The following TSHZ2 variants were observed in gnomAD, a reference collection of about 807,000 sequenced individuals.
The protein encoded by TSHZ2 is teashirt zinc finger homeobox 2.
Under a neutral mutation model 74.4 loss-of-function variants are expected in TSHZ2, and 21 were observed. That is an observed-to-expected ratio of 0.28 (90% CI 0.20 to 0.41). The LOEUF (loss-of-function observed/expected upper bound fraction) is 0.41, where lower values mean the gene tolerates loss of function less well. Ranked by LOEUF, TSHZ2 falls within the 10% of genes least tolerant of loss-of-function variation. TSHZ2 has a pLI of 1.00. For synonymous variants in TSHZ2, 540 were observed against 515.3 expected, an observed-to-expected ratio of 1.05 and a Z score of -0.65; for missense variants, 1,244 against 1,293.5, an observed-to-expected ratio of 0.96 and a Z score of 0.59.
At chr20:53,327,363 C>T (rs1014737871) in intron 2 of TSHZ2, among the ~76,000 whole-genome samples, 3 of 152,156 alleles carry the variant, frequency 2.0e-5, no homozygotes, top group African/African-American at 7.2e-5. Context: ...GTGGCGGGTG[C>T]CTGTAGTCCC....
At chr20:52,996,354 A>ATTT (rs1568710882) in intron 1 of TSHZ2, among the ~76,000 whole-genome samples, 27 of 130,358 alleles carry the variant, frequency 2.1e-4, no homozygotes, top group South Asian at 5.4e-4. Context: ...TTTATTTATT[A>ATTT]GGCAAAATGG....
At position 53,491,873 on chromosome 20, in the gene TSHZ2, C is replaced by G. The variant is rs1986456204; in HGVS notation, c.*4738C>G. 1 of 152,018 alleles carries G rather than the reference C, an allele frequency of 6.6e-6. No individual in the cohort carries two copies. Among genetic ancestry groups the G allele is most frequent in the Non-Finnish European group, 1.5e-5 (1 of 67,990 alleles). 9.4% of individuals were successfully genotyped at this position (152,018 alleles called of 1,614,324 possible). A position where few individuals can be genotyped will look rare whatever the true frequency, so the allele number is the denominator to read the frequency against. ...CCCTTCGGCATACAAATGATTTTAC[C>G]AATAGCCATGATTATTATTAAGGCC... On this transcript the variant is annotated 3_prime_UTR_variant, in exon 3 of 3. Transcript: ENST00000371497.
rs374462623 is a variant in TSHZ2, at chr20:52,999,524, C to G, written c.40+26191C>G. Among the ~76,000 whole-genome samples the G allele has an allele frequency of 1.4e-3, 215 of 152,302 alleles. 9 individuals are homozygous for G. In the South Asian group the frequency reaches 0.043, roughly 30 times the overall value. ...TTAGCATCGGTTGATGACTGACTGA[C>G]AGATGGAATCCAACATTTCCAAAGT... is the stretch of plus-strand genomic sequence containing the variant. On this transcript the variant is annotated intron_variant, in intron 1 of 2. Coordinates refer to ENST00000371497, the MANE Select transcript of TSHZ2 (RefSeq NM_173485.6).
intron 1 of TSHZ2, among the ~76,000 whole-genome samples, chr20:53,222,898 T>C (rs1010791395): frequency 1.3e-5 from 2 of 152,266 alleles, no homozygotes; most frequent in African/African-American, 2.4e-5. Flanking sequence ...CTTTTTTTAG[T>C]GTCTTACCCT....
At chr20:52,998,786 A>G (rs1223458672) in intron 1 of TSHZ2, among the ~76,000 whole-genome samples, 1 of 152,170 alleles carries the variant, frequency 6.6e-6, no homozygotes, top group Non-Finnish European at 1.5e-5. Context: ...CTCAATAAAT[A>G]TTTGTTCAGT....
rs1004783208 is a variant in TSHZ2, at chr20:53,313,425, C to T, written c.*8+56854C>T. Among the ~76,000 whole-genome samples the T allele has an allele frequency of 3.3e-5, 5 of 152,182 alleles. No individual in the cohort carries two copies. In the East Asian group the frequency reaches 9.6e-4, roughly 29 times the overall value. The stretch of plus-strand genomic sequence containing the variant: ...ATAGTCATGAATATCAAGTATTGGG[C>T]TGCTTTAGGCTGAAATAAAGGGATG... On this transcript the variant is annotated intron_variant, in intron 2 of 2. Transcript: ENST00000371497.
chr20:53,406,850 T>C (rs1465478319), intron 2 of TSHZ2, among the ~76,000 whole-genome samples: 3 of 152,092 alleles, frequency 2.0e-5, no homozygotes, highest in Non-Finnish European at 4.4e-5. Context: ...GAAGGCCACA[T>C]GGAAGGCATG....
intron 1 of TSHZ2, among the ~76,000 whole-genome samples, chr20:52,982,550 T>C (rs1981607221): frequency 6.6e-6 from 1 of 152,238 alleles, no homozygotes; most frequent in African/African-American, 2.4e-5. Context: ...TCAACAAATA[T>C]TGGCTGTGCA....
At chr20:53,466,071 A>T (rs1985549551) in intron 2 of TSHZ2, among the ~76,000 whole-genome samples, 1 of 151,784 alleles carries the variant, frequency 6.6e-6, no homozygotes, top group African/African-American at 2.4e-5. Flanking sequence ...AGATGGTGAA[A>T]CCCCGTCTCT....
rs1555813615 is a variant in TSHZ2 at position 53,001,228 on chromosome 20, G to GTGTGTGTGTGTATA, written c.40+27906_40+27907insATATGTGTGTGTGT. ...TGCGTGTGTGTGTGTGTGTGTGTGT[G>GTGTGTGTGTGTATA]TGTGTGTGTGTGTGTGTGTGTGTGT... is the stretch of plus-strand genomic sequence containing the variant. On this transcript the variant is annotated intron_variant, in intron 1 of 2. Transcript: ENST00000371497. Among the ~76,000 whole-genome samples, 56 of 143,482 alleles carry GTGTGTGTGTGTATA rather than the reference G, an allele frequency of 3.9e-4. 1 individual carries two copies. The highest frequency in any genetic ancestry group is 1.4e-3 in the African/African-American group (52 of 36,736). 94.1% of individuals were successfully genotyped at this position (143,482 alleles called of 152,430 possible).
chr20:53,019,144 C>A (rs918568194), intron 1 of TSHZ2, among the ~76,000 whole-genome samples: 3 of 152,066 alleles, frequency 2.0e-5, no homozygotes, highest in Non-Finnish European at 4.4e-5. Context: ...ACATAGGTTA[C>A]AGGTCATGAA....
At chr20:53,003,895 TC>T (rs2122971716) in intron 1 of TSHZ2, among the ~76,000 whole-genome samples, 1 of 152,082 alleles carries the variant, frequency 6.6e-6, no homozygotes, top group Non-Finnish European at 1.5e-5. Flanking sequence ...TTTTTCTTTT[TC>T]TTTTTTTTTT....
chr20:53,211,510 A>T (rs201241477), intron 1 of TSHZ2, among the ~76,000 whole-genome samples: 6 of 109,386 alleles, frequency 5.5e-5, no homozygotes, highest in Non-Finnish European at 8.3e-5. Flanking sequence ...TGCCTGAAAT[A>T]AAAAAAAAAA....
At chr20:53,310,538 C>G (rs1306756581) in intron 2 of TSHZ2, among the ~76,000 whole-genome samples, 1 of 152,214 alleles carries the variant, frequency 6.6e-6, no homozygotes, top group Non-Finnish European at 1.5e-5. Context: ...GCAATCCAGG[C>G]TTTGGCCAGG....
intron 1 of TSHZ2, among the ~76,000 whole-genome samples, chr20:53,244,821 C>A (rs574393033): frequency 7.4e-4 from 113 of 152,272 alleles, no homozygotes; most frequent in African/African-American, 2.6e-3. Flanking sequence ...TCACTTTCTA[C>A]GGAAGTTCCC....
chr20:53,430,830 C>G (rs1022618680), intron 2 of TSHZ2, among the ~76,000 whole-genome samples: 1 of 152,114 alleles, frequency 6.6e-6, no homozygotes, highest in Non-Finnish European at 1.5e-5. Context: ...GTGGTCTCGG[C>G]TCACTACCTC....
intron 1 of TSHZ2, among the ~76,000 whole-genome samples, chr20:53,213,916 A>G (rs1989373561): frequency 6.6e-6 from 1 of 152,164 alleles, no homozygotes; most frequent in Non-Finnish European, 1.5e-5. Flanking sequence ...GGATGATTAA[A>G]ATCAACAACT....
intron 1 of TSHZ2, among the ~76,000 whole-genome samples, chr20:53,019,874 T>C (rs769861130): frequency 7.2e-5 from 11 of 152,172 alleles, no homozygotes; most frequent in Non-Finnish European, 1.3e-4. Context: ...TATTAGTCTG[T>C]TTTCACACTG....
At chr20:53,026,497 G>A (rs954506857) in intron 1 of TSHZ2, among the ~76,000 whole-genome samples, 4 of 151,808 alleles carry the variant, frequency 2.6e-5, no homozygotes, top group Non-Finnish European at 5.9e-5. Flanking sequence ...GACCACAAGC[G>A]CACATCACCA....
Sources: gnomAD v4.1 joint callset for allele counts (sites outside exome capture counted in the v4.1 genomes callset) on GRCh38, gnomAD v4.1.1 for gene constraint, MANE v1.5 for transcripts, NCBI Gene and HGNC (gene_info 2026-07-23, HGNC 2026-07-21) for gene names.